The following SLC6A11 variants were observed in gnomAD, a reference collection of about 807,000 sequenced individuals.
SLC6A11 encodes solute carrier family 6 member 11.
A neutral mutation model predicts 74.8 loss-of-function variants in SLC6A11; 25 were observed. That is an observed-to-expected ratio of 0.33 (90% CI 0.24 to 0.47). The LOEUF (loss-of-function observed/expected upper bound fraction) is 0.47. Among genes scored for constraint, SLC6A11 ranks in the 20% least tolerant of loss-of-function variants. SLC6A11 has a pLI of 1.00. For synonymous variants in SLC6A11, 330 were observed against 330.2 expected, an observed-to-expected ratio of 1.00 and a Z score of 0.01; for missense variants, 574 against 837.0, an observed-to-expected ratio of 0.69 and a Z score of 3.88.
At chr3:10,848,038 C>T (rs1694526309) in intron 5 of SLC6A11, among the ~76,000 whole-genome samples, 1 of 152,190 alleles carries the variant, frequency 6.6e-6, no homozygotes, top group Non-Finnish European at 1.5e-5. Flanking sequence ...CAGCTTGCTG[C>T]CCATACTCAA....
intron 3 of SLC6A11, among the ~76,000 whole-genome samples, chr3:10,822,082 C>T (rs1694145459): frequency 6.6e-6 from 1 of 152,258 alleles, no homozygotes; most frequent in Non-Finnish European, 1.5e-5. Context: ...AACTGGTTTG[C>T]AATCCCCTTT....
intron 1 of SLC6A11, among the ~76,000 whole-genome samples, chr3:10,817,578 C>T (rs1319962277): frequency 8.5e-5 from 13 of 152,178 alleles, no homozygotes; most frequent in Admixed American, 7.9e-4. Flanking sequence ...TTGCTGTGCC[C>T]CTGCCCCTCC....
chr3:10,932,630 G>C (rs1261255009), intron 10 of SLC6A11, among the ~76,000 whole-genome samples: 1 of 152,202 alleles, frequency 6.6e-6, no homozygotes, highest in Non-Finnish European at 1.5e-5. Context: ...GGTCTGTCCA[G>C]GAGGGACTGT....
At chr3:10,831,177 C>T (rs1177405297) in intron 4 of SLC6A11, among the ~76,000 whole-genome samples, 1 of 152,104 alleles carries the variant, frequency 6.6e-6, no homozygotes, top group Non-Finnish European at 1.5e-5. Context: ...TGCCTGAACT[C>T]TCAAGTCCCC....
chr3:10,930,722 A>G (rs910512061), intron 10 of SLC6A11, among the ~76,000 whole-genome samples: 2 of 152,042 alleles, frequency 1.3e-5, no homozygotes, highest in East Asian at 3.9e-4. Flanking sequence ...TGCTTGGAGA[A>G]GGCAGGTGGT....
intron 5 of SLC6A11, among the ~76,000 whole-genome samples, chr3:10,867,954 T>C (rs1339128227): frequency 6.6e-6 from 1 of 152,222 alleles, no homozygotes; most frequent in Admixed American, 6.5e-5. Context: ...GATCATAGTT[T>C]TCTGTTTATG....
intron 6 of SLC6A11, among the ~76,000 whole-genome samples, chr3:10,905,332 G>T (rs1484470748): frequency 6.6e-6 from 1 of 152,202 alleles, no homozygotes; most frequent in Admixed American, 6.5e-5. Flanking sequence ...GCAACCCTCA[G>T]GCCTAATCCT....
At chr3:10,882,016 C>T (rs2106609656) in intron 6 of SLC6A11, among the ~76,000 whole-genome samples, 1 of 152,316 alleles carries the variant, frequency 6.6e-6, no homozygotes, top group African/African-American at 2.4e-5. Flanking sequence ...GGAGGGTGCT[C>T]CTGCCCCTCC....
chr3:10,919,547 C>T (rs1575703432), intron 8 of SLC6A11, among the ~76,000 whole-genome samples: 1 of 152,170 alleles, frequency 6.6e-6, no homozygotes, highest in Non-Finnish European at 1.5e-5. Flanking sequence ...CTCTGACCCA[C>T]CAAAATAGGC....
intron 6 of SLC6A11, among the ~76,000 whole-genome samples, chr3:10,888,580 A>G (rs1695071139): frequency 6.6e-6 from 1 of 152,242 alleles, no homozygotes; most frequent in Non-Finnish European, 1.5e-5. Flanking sequence ...GATGTCAGCA[A>G]ACATTCAAGG....
intron 6 of SLC6A11, among the ~76,000 whole-genome samples, chr3:10,902,652 C>G (rs1695254611): frequency 6.6e-6 from 1 of 152,244 alleles, no homozygotes; most frequent in Non-Finnish European, 1.5e-5. Flanking sequence ...GAGCTCCAAG[C>G]TGGGTCTGCT....
intron 4 of SLC6A11, among the ~76,000 whole-genome samples, chr3:10,826,394 T>G (rs1694210413): frequency 6.6e-6 from 1 of 152,244 alleles, no homozygotes; most frequent in Non-Finnish European, 1.5e-5. Context: ...AGACTTGTAT[T>G]GGACCTGCAC....
chr3:10,933,897 T>G, intron 11 of SLC6A11, 169 bp from the exon 12 acceptor site: 1 of 539,188 alleles, frequency 1.9e-6, no homozygotes, highest in Non-Finnish European at 3.4e-6. Context: ...CTCTTTATTC[T>G]GAAACCTCAC....
chr3:10,934,160 C>G lies in SLC6A11; in HGVS notation c.1569C>G (p.Ile523Met). 4 of 1,611,472 alleles carry G rather than the reference C, an allele frequency of 2.5e-6. No individual in the cohort carries two copies. Among genetic ancestry groups the G allele is most frequent in the Non-Finnish European group, 3.4e-6 (4 of 1,177,566 alleles). ...GCTGGATGATCATGACCCCTGGGAT[C>G]TGCGCGGTAAGGGCCCCACCAGGAG... is the stretch of plus-strand genomic sequence containing the variant. The part of the protein sequence containing the change: ...KWCWMIMTPG[I>M]CAGIFIFFLI... Residue 523 changes from isoleucine (I) to methionine (M), a missense_variant, in exon 12 of 14, where the codon ATC becomes ATG. This residue lies in a region of SLC6A11 where 257 missense variants were observed against 341.5 expected (regional missense o/e 0.75). Transcript: ENST00000254488.
chr3:10,862,131 G>A (rs1051924198), intron 5 of SLC6A11, among the ~76,000 whole-genome samples: 1 of 152,172 alleles, frequency 6.6e-6, no homozygotes, highest in South Asian at 2.1e-4. Flanking sequence ...GCACATCCTT[G>A]CCTGGGGAAC....
chr3:10,836,304 C>T (rs536445974), intron 4 of SLC6A11, among the ~76,000 whole-genome samples: 3 of 152,308 alleles, frequency 2.0e-5, no homozygotes, highest in South Asian at 4.1e-4. Flanking sequence ...TGGGCTATTA[C>T]GAATAATGCT....
Position 10,915,274 on chromosome 3 carries a change from G to C in SLC6A11, c.996-3055G>C, listed in dbSNP as rs950492296. On this transcript the variant is annotated intron_variant, in intron 7 of 13. Coordinates refer to ENST00000254488, the MANE Select transcript of SLC6A11 (RefSeq NM_014229.3). This position sits in a 1 kb window ranked among gnomAD's most constrained non-coding sequence, Gnocchi z 4.3. ...GGCAGCTTCATTCCCCACTGAGTGC[G>C]TGGAGGATGTATGCTGTCAGCCATG... Among the ~76,000 whole-genome samples the C allele has an allele frequency of 6.6e-6, 1 of 152,174 alleles. No individual in the cohort carries two copies. The highest frequency in any genetic ancestry group is 2.4e-5 in the African/African-American group (1 of 41,434).
intron 6 of SLC6A11, among the ~76,000 whole-genome samples, chr3:10,905,139 A>G (rs988690303): frequency 2.0e-5 from 3 of 152,226 alleles, no homozygotes; most frequent in Non-Finnish European, 4.4e-5. Flanking sequence ...TTTTTAGTTG[A>G]AGAAAGTAGC....
intron 3 of SLC6A11, among the ~76,000 whole-genome samples, chr3:10,820,470 C>G (rs1694123681): frequency 6.6e-6 from 1 of 152,162 alleles, no homozygotes. Context: ...CTATTGCCTT[C>G]AATGACACAT....
Sources: gnomAD v4.1 joint callset for allele counts (sites outside exome capture counted in the v4.1 genomes callset) on GRCh38, gnomAD v4.1.1 for gene constraint, gnomAD v4.1.1 regional missense constraint, Gnocchi (gnomAD v3.1) non-coding constraint, MANE v1.5 for transcripts, NCBI Gene and HGNC (gene_info 2026-07-23, HGNC 2026-07-21) for gene names.